Variants in CAMK4 observed in about 807,000 individuals in gnomAD.
The protein encoded by CAMK4 is calcium/calmodulin dependent protein kinase IV.
CAMK4 carries 22 observed loss-of-function variants against 44.9 expected under a neutral mutation model. That is an observed-to-expected ratio of 0.49 (90% confidence interval 0.35 to 0.70). The LOEUF (loss-of-function observed/expected upper bound fraction) is 0.70. CAMK4 is among the 30% of genes least tolerant of loss of function. CAMK4 has a pLI of 0.01. For synonymous variants in CAMK4, 218 were observed against 215.4 expected, an observed-to-expected ratio of 1.01 and a Z score of -0.11; for missense variants, 498 against 586.8, an observed-to-expected ratio of 0.85 and a Z score of 1.56.
intron 1 of CAMK4, among the ~76,000 whole-genome samples, chr5:111,337,872 A>G (rs1749473891): frequency 6.6e-6 from 1 of 151,086 alleles, no homozygotes; most frequent in South Asian, 2.1e-4. Flanking sequence ...GTAAAGAACT[A>G]TGTTTTTGGA....
chr5:111,357,860 A>G (rs556983833), intron 2 of CAMK4: 1 of 152,134 alleles, frequency 6.6e-6, no homozygotes, highest in South Asian at 2.1e-4. Context: ...CCAAGGAAGT[A>G]TTTTTCTTAT....
At chr5:111,292,964 T>C (rs1176695451) in intron 1 of CAMK4, among the ~76,000 whole-genome samples, 2 of 152,178 alleles carry the variant, frequency 1.3e-5, no homozygotes, top group South Asian at 4.1e-4. Context: ...AAATGAATTT[T>C]TGCAGAATTT....
intron 1 of CAMK4, among the ~76,000 whole-genome samples, chr5:111,325,576 TG>T (rs1397708545): frequency 6.6e-6 from 1 of 152,108 alleles, no homozygotes; most frequent in African/African-American, 2.4e-5. Flanking sequence ...CCATTCTAAC[TG>T]GCATGCGATG....
At chr5:111,383,815 C>T (rs1023676162) in intron 4 of CAMK4, among the ~76,000 whole-genome samples, 1 of 151,856 alleles carries the variant, frequency 6.6e-6, no homozygotes, top group African/African-American at 2.4e-5. Flanking sequence ...AACCATTCAG[C>T]AATGAAAAGG....
At chr5:111,346,486 CTATCTAT>C (rs1430235636) in intron 2 of CAMK4, among the ~76,000 whole-genome samples, 1 of 56,664 alleles carries the variant, frequency 1.8e-5, no homozygotes, top group African/African-American at 6.6e-5. Context: ...GAAACTTTAT[CTATCTAT>C]CTATCTATCT....
rs561269321 is a variant in CAMK4, at chr5:111,414,147, C to G, written c.459+19365C>G. On this transcript the variant is annotated intron_variant, in intron 5 of 10. Transcript: ENST00000282356. ...AGACTTTGGACTAAGTATTCAGGAC[C>G]AGGGATAATTAAGTGACTGAGATGC... Among the ~76,000 whole-genome samples, 12 of 152,182 alleles carry G rather than the reference C, an allele frequency of 7.9e-5. No homozygotes were observed. In the South Asian group the frequency reaches 2.5e-3, roughly 32 times the overall value.
At chr5:111,380,202 G>A (rs536959477) in intron 4 of CAMK4, among the ~76,000 whole-genome samples, 264 of 152,078 alleles carry the variant, frequency 1.7e-3, no homozygotes, top group Non-Finnish European at 2.4e-3. Context: ...TATCCTTACT[G>A]TCTTCTAATT....
At chr5:111,248,492 T>G (rs1580476573) in intron 1 of CAMK4, among the ~76,000 whole-genome samples, 1 of 147,918 alleles carries the variant, frequency 6.8e-6, no homozygotes, top group East Asian at 1.9e-4. Context: ...CTTAAGAAAT[T>G]ATTTAAATCC....
In CAMK4 at chr5:111,422,743, A is replaced by C. The variant is rs141723171; in HGVS notation, c.460-23943A>C. ...CACCTATAATAAATTCTAAAGCTGA[A>C]TGTATGTATTTGTATTTGTTTTTAT... On this transcript the variant is annotated intron_variant, in intron 5 of 10. Transcript: ENST00000282356. 1.1e-3 allele frequency among the ~76,000 whole-genome samples: 169 copies of C among 152,318 alleles called. 1 individual carries two copies. In the East Asian group the frequency reaches 0.02, roughly 18 times the overall value.
rs565753527 is a variant in CAMK4 at position 111,361,370 on chromosome 5, T to C, written c.241-13480T>C. ...TATAATATTGTGCCCCTTTAATCAC[T>C]CAAATTAAAGTTTGGGAATTGTGCA... is the stretch of plus-strand genomic sequence containing the variant. On this transcript the variant is annotated intron_variant, in intron 2 of 10. Coordinates refer to ENST00000282356, the MANE Select transcript of CAMK4 (RefSeq NM_001744.6). Among the ~76,000 whole-genome samples the C allele has an allele frequency of 2.0e-5, 3 of 152,154 alleles. No homozygotes were observed. The South Asian group carries it at 6.2e-4, about 32-fold the overall frequency.
intron 7 of CAMK4, 57 bp from the exon 8 acceptor site, chr5:111,473,254 T>C (rs1232111454): frequency 6.2e-6 from 7 of 1,124,188 alleles, no homozygotes; most frequent in Middle Eastern, 1.9e-4. Context: ...TTGCTTGATA[T>C]TAAAATATAA....
At chr5:111,289,813 T>G (rs1386674150) in intron 1 of CAMK4, among the ~76,000 whole-genome samples, 1 of 152,236 alleles carries the variant, frequency 6.6e-6, no homozygotes, top group African/African-American at 2.4e-5. Flanking sequence ...ACATTCATAC[T>G]TCTCCCCATC....
intron 2 of CAMK4, among the ~76,000 whole-genome samples, chr5:111,360,865 CAAAG>C (rs1344653378): frequency 6.6e-6 from 1 of 152,076 alleles, no homozygotes; most frequent in Admixed American, 6.6e-5. Flanking sequence ...GCAACACTGA[CAAAG>C]AAATTTTTTT....
At chr5:111,378,531 A>G (rs1308405215) in intron 4 of CAMK4, among the ~76,000 whole-genome samples, 1 of 152,162 alleles carries the variant, frequency 6.6e-6, no homozygotes, top group African/African-American at 2.4e-5. Context: ...GCTTCATTGC[A>G]ACTACATATG....
At chr5:111,276,165 G>C (rs1423421888) in intron 1 of CAMK4, among the ~76,000 whole-genome samples, 1 of 152,144 alleles carries the variant, frequency 6.6e-6, no homozygotes, top group African/African-American at 2.4e-5. Context: ...CCAGTCTGCT[G>C]TATCTATTCT....
In CAMK4 at chr5:111,325,165, C is replaced by A. The variant is rs922625306; in HGVS notation, c.162-18859C>A. Among the ~76,000 whole-genome samples, 3 of 151,838 alleles carry A rather than the reference C, an allele frequency of 2.0e-5. No homozygotes were observed. In the East Asian group the frequency reaches 5.8e-4, roughly 30 times the overall value. On this transcript the variant is annotated intron_variant, in intron 1 of 10. Transcript: ENST00000282356. ...GCTTCCAGCTTCATCCATGTCCCTG[C>A]AAAGGACATGAAGTCATCCTTTTTT...
intron 1 of CAMK4, among the ~76,000 whole-genome samples, chr5:111,256,642 TA>T (rs775897654): frequency 3.3e-5 from 5 of 152,180 alleles, no homozygotes; most frequent in African/African-American, 4.8e-5. Context: ...ATATCGGTAA[TA>T]AATGCAGTAA....
At chr5:111,350,290 A>C (rs948310153) in intron 2 of CAMK4, among the ~76,000 whole-genome samples, 1 of 152,106 alleles carries the variant, frequency 6.6e-6, no homozygotes, top group Non-Finnish European at 1.5e-5. Flanking sequence ...ATATTTCATA[A>C]GAGTACCAGT....
chr5:111,420,857 C>G (rs1753001348), intron 5 of CAMK4, among the ~76,000 whole-genome samples: 1 of 152,116 alleles, frequency 6.6e-6, no homozygotes, highest in South Asian at 2.1e-4. Context: ...GTTCTTTTTT[C>G]AAGGTGCCCA....
Sources: allele counts gnomAD v4.1 joint callset (sites outside exome capture counted in the v4.1 genomes callset), GRCh38; gene constraint gnomAD v4.1.1; transcripts MANE v1.5; gene names NCBI Gene and HGNC (gene_info 2026-07-23, HGNC 2026-07-21).